TTC23: variants seen among roughly 807,000 people sequenced by gnomAD.
TTC23 encodes tetratricopeptide repeat protein 23.
TTC23 carries 58 observed loss-of-function variants against 55.1 expected under a neutral mutation model. The ratio of observed to expected loss-of-function variants is 1.05; its 90% confidence interval spans 0.85 to 1.31. The LOEUF is 1.31. Among genes scored for constraint, TTC23 ranks in the 50% most tolerant of loss-of-function variants. The pLI, the probability that TTC23 is intolerant of heterozygous loss-of-function variation, is 0.00. For synonymous variants in TTC23, 203 were observed against 199.9 expected (o/e 1.02, Z -0.13); for missense variants, 516 against 534.4 (o/e 0.97, Z 0.34).
chr15:99,221,473 AT>A lies in TTC23; in HGVS notation c.304+267del, dbSNP rs532106373. ...CAAAGTCTTCTGGCCCAACAGATTAATTTTCTCCTAAGAACCTTACTTTTGA... is the reference window on the plus strand; with the variant it reads ...CAAAGTCTTCTGGCCCAACAGATTAATTTCTCCTAAGAACCTTACTTTTGA... On this transcript the variant is annotated intron_variant, in intron 6 of 13. Transcript: ENST00000394132. Among the ~76,000 whole-genome samples, 7 of 152,246 alleles carry A rather than the reference AT, an allele frequency of 4.6e-5. No homozygotes were observed. In the East Asian group the frequency reaches 1.2e-3, roughly 25 times the overall value.
intron 8 of TTC23, among the ~76,000 whole-genome samples, chr15:99,211,723 C>G (rs537398682): frequency 1.3e-5 from 2 of 152,140 alleles, no homozygotes; most frequent in African/African-American, 4.8e-5. Flanking sequence ...ACAGCAACCC[C>G]TGGAGGTCTT....
intron 9 of TTC23, 73 bp from the exon 10 acceptor site, chr15:99,175,228 A>G: frequency 3.3e-6 from 4 of 1,216,428 alleles, no homozygotes; most frequent in Non-Finnish European, 4.7e-6. Flanking sequence ...CTGTCCTTGC[A>G]GAGATAAGCA....
chr15:99,139,966 T>A (rs1344616073), intron 12 of TTC23: 1 of 271,580 alleles, frequency 3.7e-6, no homozygotes, highest in Admixed American at 4.4e-5. Flanking sequence ...CTAGGGCAAA[T>A]CAAGGAGAGG....
rs568307643 is a variant in TTC23 at position 99,147,376 on chromosome 15, C to T, written c.1144-7977G>A. ...GAGTAGCTGGGACTACAGGCGCCCG[C>T]CACCACACCCGGCTAATTTTTTGTA... On this transcript the variant is annotated intron_variant, in intron 12 of 13. Coordinates refer to ENST00000394132, the MANE Select transcript of TTC23 (RefSeq NM_001288615.3). Among the ~76,000 whole-genome samples, 25 of 152,168 alleles carry T rather than the reference C, an allele frequency of 1.6e-4. No homozygotes were observed. The South Asian group carries it at 5.2e-3, about 32-fold the overall frequency.
At chr15:99,217,129 CTACAAATTTA>C (rs2077534893) in intron 8 of TTC23, among the ~76,000 whole-genome samples, 1 of 151,550 alleles carries the variant, frequency 6.6e-6, no homozygotes, top group Non-Finnish European at 1.5e-5. Context: ...GATACATACG[CTACAAATTTA>C]TACAAATTTT....
At position 99,161,829 on chromosome 15, in the gene TTC23, G is replaced by C; in HGVS notation, c.904C>G (p.Leu302Val). The change falls in exon 11 of 14, where the codon CTT becomes GTT. Residue 302 changes from leucine (L) to valine (V), a missense_variant. By Grantham distance (32) the Leu-to-Val change is conservative. Coordinates refer to ENST00000394132, the MANE Select transcript of TTC23 (RefSeq NM_001288615.3). ...EQYFQESMAH[L>V]KDSEGMGRTK... is the part of the protein sequence containing the mutation. ...CTTCCCATCCCTTCAGAATCCTTAA[G>C]ATGAGCCATGCTCTCTTGAAAATAC... The C allele has an allele frequency of 6.2e-7, 1 of 1,613,084 alleles. No homozygotes were observed. Among genetic ancestry groups the C allele is most frequent in the Non-Finnish European group, 8.5e-7 (1 of 1,179,820 alleles).
At position 99,228,588 on chromosome 15, in the gene TTC23, C is replaced by G. The variant is rs145188311; in HGVS notation, c.125G>C (p.Arg42Pro). Reference protein sequence around the residue: ...LLQTALFQPPREKLHLCEEKA... With the variant: ...LLQTALFQPPPEKLHLCEEKA... ...CTCTTCACAGAGGTGGAGTTTCTCTCGAGGAGGCTGGAATAGTGCTGTCTG... is the reference window on the plus strand; with the variant it reads ...CTCTTCACAGAGGTGGAGTTTCTCTGGAGGAGGCTGGAATAGTGCTGTCTG... The change falls in exon 5 of 14, where the codon CGA becomes CCA. Residue 42 changes from arginine to proline, a missense_variant. By Grantham distance (103) the Arg-to-Pro change is moderately radical. Transcript: ENST00000394132. The G allele has an allele frequency of 6.2e-7, 1 of 1,613,746 alleles. No individual in the cohort carries two copies. The highest frequency in any genetic ancestry group is 2.2e-5 in the East Asian group (1 of 44,862).
chr15:99,143,462 A>G (rs1350879452), intron 12 of TTC23, among the ~76,000 whole-genome samples: 1 of 152,228 alleles, frequency 6.6e-6, no homozygotes, highest in East Asian at 1.9e-4. Flanking sequence ...CCAAACCTTG[A>G]CAGTAGAACA....
At chr15:99,148,074 C>G (rs1330079563) in intron 12 of TTC23, among the ~76,000 whole-genome samples, 2 of 151,802 alleles carry the variant, frequency 1.3e-5, no homozygotes, top group African/African-American at 4.8e-5. Flanking sequence ...CACATAAGAC[C>G]TTCCTAGGCC....
intron 8 of TTC23, among the ~76,000 whole-genome samples, chr15:99,209,241 G>A (rs2076854759): frequency 6.6e-6 from 1 of 152,130 alleles, no homozygotes; most frequent in African/African-American, 2.4e-5. Flanking sequence ...CTGGAATTTG[G>A]CAAGAATATT....
At chr15:99,220,392 A>G (rs1199150385) in intron 6 of TTC23, among the ~76,000 whole-genome samples, 1 of 152,224 alleles carries the variant, frequency 6.6e-6, no homozygotes, top group Non-Finnish European at 1.5e-5. Flanking sequence ...AGCAGGCTGT[A>G]TAAGAAAAGC....
intron 9 of TTC23, among the ~76,000 whole-genome samples, chr15:99,189,448 T>G (rs1471023379): frequency 6.6e-6 from 1 of 152,172 alleles, no homozygotes; most frequent in African/African-American, 2.4e-5. Context: ...AATGTGTCTT[T>G]AAAGATGCTT....
intron 8 of TTC23, among the ~76,000 whole-genome samples, chr15:99,215,319 G>C (rs1416987203): frequency 6.6e-6 from 1 of 152,142 alleles, no homozygotes; most frequent in Non-Finnish European, 1.5e-5. Context: ...ACCAAGCAGA[G>C]AGGATAAAGA....
Position 99,185,230 on chromosome 15 carries a change from A to G in TTC23, c.760-10075T>C, listed in dbSNP as rs184036438. Among the ~76,000 whole-genome samples, 78 of 152,348 alleles carry G rather than the reference A, an allele frequency of 5.1e-4. 1 individual carries two copies. The highest frequency in any genetic ancestry group is 1.8e-3 in the African/African-American group (75 of 41,586). ...TTTTCAGAGGTGTTTAAAATTAAAAATAGCATTTTCTGATTATTTACAATA... is the reference window on the plus strand; with the variant it reads ...TTTTCAGAGGTGTTTAAAATTAAAAGTAGCATTTTCTGATTATTTACAATA... On this transcript the variant is annotated intron_variant, in intron 9 of 13. Transcript: ENST00000394132.
intron 9 of TTC23, among the ~76,000 whole-genome samples, chr15:99,197,269 A>T (rs1479480825): frequency 6.6e-6 from 1 of 151,768 alleles, no homozygotes; most frequent in Non-Finnish European, 1.5e-5. Flanking sequence ...TGCCCGGCTA[A>T]TTTTTTGTAT....
At chr15:99,209,353 A>G (rs953858450) in intron 8 of TTC23, among the ~76,000 whole-genome samples, 3 of 152,230 alleles carry the variant, frequency 2.0e-5, no homozygotes, top group African/African-American at 7.2e-5. Context: ...CATAGCCAAC[A>G]TGAGAAAAGA....
chr15:99,155,189 CCATTTA>C (rs1555498576), intron 12 of TTC23, among the ~76,000 whole-genome samples: 1 of 151,996 alleles, frequency 6.6e-6, no homozygotes, highest in African/African-American at 2.4e-5. Flanking sequence ...AGATAAATCT[CCATTTA>C]TAATAGTAAT....
At chr15:99,172,807 T>C (rs1241660151) in intron 10 of TTC23, among the ~76,000 whole-genome samples, 1 of 152,248 alleles carries the variant, frequency 6.6e-6, no homozygotes, top group Non-Finnish European at 1.5e-5. Flanking sequence ...ATTTATCATC[T>C]GTATCAAGTA....
At chr15:99,168,233 T>A (rs368563055) in intron 10 of TTC23, among the ~76,000 whole-genome samples, 3 of 152,154 alleles carry the variant, frequency 2.0e-5, no homozygotes, top group East Asian at 1.9e-4. Context: ...TAGGGACAGG[T>A]GTGCATCCAT....
Sources: allele counts gnomAD v4.1 joint callset (sites outside exome capture counted in the v4.1 genomes callset), GRCh38; gene constraint gnomAD v4.1.1; transcripts MANE v1.5; gene names NCBI Gene and HGNC (gene_info 2026-07-23, HGNC 2026-07-21).